WWOX: variants seen among roughly 807,000 people sequenced by gnomAD.
The protein encoded by WWOX is WW domain-containing oxidoreductase.
In WWOX, 69 loss-of-function variants were observed where a neutral mutation model predicts 46.2. The observed-to-expected ratio is 1.49, with a 90% CI of 1.23 to 1.82. The LOEUF (loss-of-function observed/expected upper bound fraction) is 1.82. WWOX is among the 40% of genes most tolerant of loss of function. WWOX has a pLI of 0.00. For synonymous variants in WWOX, 359 were observed against 202.6 expected, an observed-to-expected ratio of 1.77 and a Z score of -6.56; for missense variants, 919 against 542.6, an observed-to-expected ratio of 1.69 and a Z score of -6.89.
At chr16:78,290,713 A>G (rs1488435391) in intron 5 of WWOX, among the ~76,000 whole-genome samples, 1 of 151,996 alleles carries the variant, frequency 6.6e-6, no homozygotes, top group East Asian at 1.9e-4. Context: ...TCTTGGTGGG[A>G]AAATGACTTC....
intron 8 of WWOX, among the ~76,000 whole-genome samples, chr16:78,751,162 A>C (rs1048362753): frequency 3.9e-5 from 6 of 152,136 alleles, no homozygotes; most frequent in African/African-American, 1.4e-4. Context: ...ATTTGACTCA[A>C]AAGGGAATAG....
chr16:78,973,830 T>C (rs982754563), intron 8 of WWOX, among the ~76,000 whole-genome samples: 1 of 152,248 alleles, frequency 6.6e-6, no homozygotes, highest in African/African-American at 2.4e-5. Context: ...CCAGGGCTCA[T>C]GAGCCGAGAG....
chr16:78,753,862 GTATATGTATATA>G (rs2049564527), intron 8 of WWOX, among the ~76,000 whole-genome samples: 1 of 73,720 alleles, frequency 1.4e-5, no homozygotes, highest in South Asian at 5.8e-4. Flanking sequence ...ATATGTATAT[GTATATGTATATA>G]TAAATTTAAG....
intron 8 of WWOX, among the ~76,000 whole-genome samples, chr16:78,632,033 TA>T (rs767839365): frequency 1.4e-5 from 2 of 146,158 alleles, no homozygotes; most frequent in Non-Finnish European, 3.0e-5. Context: ...AATTTTTTCT[TA>T]AAAAAAATAA....
intron 8 of WWOX, among the ~76,000 whole-genome samples, chr16:79,145,049 AAGTG>A (rs2050159909): frequency 6.6e-6 from 1 of 152,214 alleles, no homozygotes; most frequent in Non-Finnish European, 1.5e-5. Context: ...ATTTGCCTGT[AAGTG>A]AGCGCGTTCT....
rs1038197561 is a variant in WWOX, at chr16:78,368,226, C to T, written c.517-18634C>T. Among the ~76,000 whole-genome samples, 3 of 152,182 alleles carry T rather than the reference C, an allele frequency of 2.0e-5. No individual in the cohort carries two copies. The East Asian group carries it at 5.8e-4, about 29-fold the overall frequency. On this transcript the variant is annotated intron_variant, in intron 5 of 8. Transcript: ENST00000566780. ...GAACAGAGGTTATGTTCTCAAAAGC[C>T]TTCAATTAACATGAGTGGAATGGAT...
intron 8 of WWOX, among the ~76,000 whole-genome samples, chr16:78,777,400 T>A (rs1041842584): frequency 6.6e-6 from 1 of 152,168 alleles, no homozygotes; most frequent in Non-Finnish European, 1.5e-5. Context: ...GGACTTTTAG[T>A]TTAATTTTTT....
intron 4 of WWOX, among the ~76,000 whole-genome samples, chr16:78,139,894 A>G (rs1300768967): frequency 1.3e-5 from 2 of 152,188 alleles, no homozygotes; most frequent in Admixed American, 6.5e-5. Flanking sequence ...ACTTTAGGAA[A>G]TGCATCTCAT....
chr16:79,069,289 C>A (rs1425211474), intron 8 of WWOX, among the ~76,000 whole-genome samples: 1 of 152,178 alleles, frequency 6.6e-6, no homozygotes, highest in Non-Finnish European at 1.5e-5. Context: ...ACGCACTCAG[C>A]GAAGGCCGTG....
chr16:78,102,740 T>C (rs908088060), intron 1 of WWOX, among the ~76,000 whole-genome samples: 1 of 152,200 alleles, frequency 6.6e-6, no homozygotes, highest in African/African-American at 2.4e-5. Flanking sequence ...GTTGGCCCTG[T>C]CTCCCTTGCC....
chr16:78,106,585 T>C (rs1012691415), intron 1 of WWOX, among the ~76,000 whole-genome samples: 2 of 151,944 alleles, frequency 1.3e-5, no homozygotes, highest in Admixed American at 1.3e-4. Context: ...CCAGGCTAAT[T>C]TTGTATTTTT....
At chr16:78,512,605 G>A (rs556096995) in intron 8 of WWOX, among the ~76,000 whole-genome samples, 1 of 152,196 alleles carries the variant, frequency 6.6e-6, no homozygotes, top group Non-Finnish European at 1.5e-5. Flanking sequence ...TAGGACTTGA[G>A]TCCCCTACTA....
intron 8 of WWOX, among the ~76,000 whole-genome samples, chr16:78,920,335 A>G (rs747616367): frequency 1.1e-4 from 17 of 152,178 alleles, no homozygotes; most frequent in Admixed American, 3.9e-4. Flanking sequence ...AGAAGTAAAT[A>G]ATAATGCACA....
At chr16:79,190,625 T>C (rs1421049516) in intron 8 of WWOX, among the ~76,000 whole-genome samples, 2 of 152,214 alleles carry the variant, frequency 1.3e-5, no homozygotes, top group Non-Finnish European at 1.5e-5. Context: ...ATTCAGAAGA[T>C]GAACTAGTTG....
At chr16:78,170,220 A>G (rs1182212964) in intron 5 of WWOX, among the ~76,000 whole-genome samples, 2 of 152,208 alleles carry the variant, frequency 1.3e-5, no homozygotes, top group African/African-American at 2.4e-5. Context: ...ATGCTGTATT[A>G]TAGTGGCAAA....
At chr16:78,572,345 A>C (rs183984963) in intron 8 of WWOX, among the ~76,000 whole-genome samples, 8 of 152,330 alleles carry the variant, frequency 5.3e-5, no homozygotes, top group Admixed American at 1.3e-4. Flanking sequence ...CTGTAATGCC[A>C]GCACTTTGGA....
At chr16:78,356,406 T>A (rs970107472) in intron 5 of WWOX, among the ~76,000 whole-genome samples, 1 of 152,174 alleles carries the variant, frequency 6.6e-6, no homozygotes, top group Non-Finnish European at 1.5e-5. Context: ...TGCTTAACTT[T>A]CCTGTGGATT....
chr16:78,154,093 G>A (rs573975136), intron 4 of WWOX, among the ~76,000 whole-genome samples: 1 of 152,276 alleles, frequency 6.6e-6, no homozygotes, highest in Non-Finnish European at 1.5e-5. Flanking sequence ...TGTGTTCCCT[G>A]TCTGGGTAAA....
intron 8 of WWOX, among the ~76,000 whole-genome samples, chr16:78,440,347 T>G (rs1033894292): frequency 6.6e-6 from 1 of 152,142 alleles, no homozygotes; most frequent in African/African-American, 2.4e-5. Context: ...TGAAACATGT[T>G]CTTCAGCCTA....
Sources: allele counts gnomAD v4.1 joint callset (sites outside exome capture counted in the v4.1 genomes callset), GRCh38; gene constraint gnomAD v4.1.1; transcripts MANE v1.5; gene names NCBI Gene and HGNC (gene_info 2026-07-23, HGNC 2026-07-21).